The following NSMCE2 variants were observed in gnomAD, a reference collection of about 807,000 sequenced individuals.
NSMCE2 encodes the protein E3 SUMO-protein ligase NSE2.
NSMCE2 carries 24 observed loss-of-function variants against 23.8 expected under a neutral mutation model. That is an observed-to-expected ratio of 1.01 (90% CI 0.73 to 1.42). The LOEUF (loss-of-function observed/expected upper bound fraction) is 1.42, where lower values mean the gene tolerates loss of function less well. Ranked by LOEUF, NSMCE2 falls within the 40% of genes most tolerant of loss-of-function variation. The pLI, the probability that NSMCE2 is intolerant of heterozygous loss-of-function variation, is 0.00. For synonymous variants in NSMCE2, 92 were observed against 94.1 expected (o/e 0.98, Z 0.13); for missense variants, 284 against 296.5 (o/e 0.96, Z 0.31).
At chr8:125,162,450 C>G (rs16900403) in intron 4 of NSMCE2, among the ~76,000 whole-genome samples, 6,216 of 152,138 alleles carry the variant, frequency 0.041, 420 homozygotes, top group African/African-American at 0.14. Context: ...CTGTTACAAT[C>G]GTAAATTTTC....
chr8:125,154,716 T>A (rs563654385), intron 4 of NSMCE2, among the ~76,000 whole-genome samples: 127 of 152,268 alleles, frequency 8.3e-4, no homozygotes, highest in Non-Finnish European at 1.5e-3. Context: ...TTTTCAGTCA[T>A]AAGACCAACA....
chr8:125,234,774 G>T (rs1211047687), intron 5 of NSMCE2, among the ~76,000 whole-genome samples: 2 of 151,996 alleles, frequency 1.3e-5, no homozygotes. Flanking sequence ...TGTAAACTTG[G>T]AGCTAGCTTT....
Position 125,357,758 on chromosome 8 carries a change from A to G in NSMCE2, c.566A>G (p.Tyr189Cys). The change falls in exon 7 of 8, where the codon TAT becomes TGT. Residue 189 changes from tyrosine (Y) to cysteine (C), a missense_variant. Coordinates refer to ENST00000287437, the MANE Select transcript of NSMCE2 (RefSeq NM_173685.4). ...PVKNKVCGHT[Y>C]EEDAIVRMIE... Reference sequence around the variant, plus strand: ...AAAAATAAAGTGTGTGGCCACACCTATGAAGAGGACGCCATTGTTCGCATG... The same window carrying G: ...AAAAATAAAGTGTGTGGCCACACCTGTGAAGAGGACGCCATTGTTCGCATG... 2.5e-6 allele frequency: 4 copies of G among 1,614,228 alleles called. No individual in the cohort carries two copies. Among genetic ancestry groups the G allele is most frequent in the Non-Finnish European group, 3.4e-6 (4 of 1,180,022 alleles).
At chr8:125,351,729 G>C (rs1030365634) in intron 5 of NSMCE2, among the ~76,000 whole-genome samples, 2 of 152,116 alleles carry the variant, frequency 1.3e-5, no homozygotes, top group Admixed American at 6.5e-5. Flanking sequence ...TTGTGGGGTT[G>C]GCCGGGCATG....
intron 4 of NSMCE2, among the ~76,000 whole-genome samples, chr8:125,161,966 C>T (rs1821651527): frequency 6.6e-6 from 1 of 152,060 alleles, no homozygotes; most frequent in Non-Finnish European, 1.5e-5. Context: ...ATTTGTGGTT[C>T]TTGGAGTGCT....
intron 1 of NSMCE2, among the ~76,000 whole-genome samples, chr8:125,092,282 T>C (rs528672738): frequency 1.3e-5 from 2 of 152,350 alleles, no homozygotes; most frequent in East Asian, 3.9e-4. Context: ...GTTATGTAGA[T>C]TGCAGTGAGA....
intron 5 of NSMCE2, among the ~76,000 whole-genome samples, chr8:125,246,967 T>C (rs1297400942): frequency 2.0e-5 from 3 of 152,124 alleles, no homozygotes; most frequent in African/African-American, 7.2e-5. Flanking sequence ...TCCAGTATAC[T>C]ATATAATATT....
chr8:125,218,530 G>A (rs576571264), intron 5 of NSMCE2, among the ~76,000 whole-genome samples: 1 of 151,552 alleles, frequency 6.6e-6, no homozygotes, highest in South Asian at 2.1e-4. Flanking sequence ...TCATGCCTCA[G>A]CCTCCCGAGT....
At chr8:125,143,533 C>T (rs1017782033) in intron 3 of NSMCE2, among the ~76,000 whole-genome samples, 28 of 152,076 alleles carry the variant, frequency 1.8e-4, no homozygotes, top group African/African-American at 6.8e-4. Context: ...GAGTCAGCAA[C>T]CCCTTAAGAA....
intron 5 of NSMCE2, among the ~76,000 whole-genome samples, chr8:125,286,368 A>G (rs560630972): frequency 3.3e-5 from 5 of 149,948 alleles, no homozygotes; most frequent in Admixed American, 1.3e-4. Context: ...GCTGGAGTGC[A>G]ATGGTGCAGT....
chr8:125,350,626 G>A (rs1027486875), intron 5 of NSMCE2, among the ~76,000 whole-genome samples: 9 of 152,224 alleles, frequency 5.9e-5, no homozygotes, highest in East Asian at 1.9e-4. Context: ...CACATCTTAC[G>A]TGGATGCTGG....
chr8:125,097,104 G>A (rs1817977325), intron 1 of NSMCE2, among the ~76,000 whole-genome samples: 2 of 152,258 alleles, frequency 1.3e-5, no homozygotes, highest in East Asian at 3.9e-4. Flanking sequence ...TAAACAAGCA[G>A]TCTCTTTCAA....
At chr8:125,186,251 T>C (rs1206183516) in intron 5 of NSMCE2, among the ~76,000 whole-genome samples, 1 of 152,266 alleles carries the variant, frequency 6.6e-6, no homozygotes, top group Non-Finnish European at 1.5e-5. Flanking sequence ...CTGTGGGTAC[T>C]GTCACACTGT....
At chr8:125,129,871 C>T (rs1819677433) in intron 3 of NSMCE2, among the ~76,000 whole-genome samples, 1 of 151,830 alleles carries the variant, frequency 6.6e-6, no homozygotes, top group Non-Finnish European at 1.5e-5. Context: ...ATACCCATAC[C>T]CTCACACAGT....
intron 1 of NSMCE2, among the ~76,000 whole-genome samples, chr8:125,096,655 T>TC (rs1554600340): frequency 7.0e-6 from 1 of 142,826 alleles, no homozygotes; most frequent in African/African-American, 2.7e-5. Flanking sequence ...TTTTTTTTTT[T>TC]CATACGGAGT....
chr8:125,202,274 C>T (rs1007460765), intron 5 of NSMCE2, among the ~76,000 whole-genome samples: 5 of 152,340 alleles, frequency 3.3e-5, no homozygotes, highest in African/African-American at 9.6e-5. Flanking sequence ...ATTGGAAATG[C>T]CAAAATCACC....
chr8:125,321,662 C>G (rs1463531236), intron 5 of NSMCE2, among the ~76,000 whole-genome samples: 1 of 152,140 alleles, frequency 6.6e-6, no homozygotes, highest in Non-Finnish European at 1.5e-5. Flanking sequence ...CAAATGGAAT[C>G]CAAATATGTA....
chr8:125,362,181 G>T (rs554149714), intron 7 of NSMCE2, among the ~76,000 whole-genome samples: 1 of 152,224 alleles, frequency 6.6e-6, no homozygotes, highest in Non-Finnish European at 1.5e-5. Context: ...CACTGAACTC[G>T]CTCACCAAGA....
At chr8:125,102,271 A>G in intron 2 of NSMCE2, 46 bp from the exon 3 acceptor site, 5 of 1,279,908 alleles carry the variant, frequency 3.9e-6, no homozygotes, top group East Asian at 2.3e-5. Context: ...CTGTGCAGTT[A>G]TTATTCTGAC....
Sources: allele counts gnomAD v4.1 joint callset (sites outside exome capture counted in the v4.1 genomes callset), GRCh38; gene constraint gnomAD v4.1.1; transcripts MANE v1.5; gene names NCBI Gene and HGNC (gene_info 2026-07-23, HGNC 2026-07-21).